BDNF: variants seen among roughly 807,000 people sequenced by gnomAD.
The protein encoded by BDNF is brain derived neurotrophic factor.
BDNF carries 1 observed loss-of-function variant against 19.5 expected under a neutral mutation model. The observed-to-expected ratio is 0.05, with a 90% CI of 0.02 to 0.24. The LOEUF (loss-of-function observed/expected upper bound fraction) is 0.24, where lower values mean the gene tolerates loss of function less well. Ranked by LOEUF, BDNF falls within the 10% of genes least tolerant of loss-of-function variation. The pLI is 1.00. For synonymous variants in BDNF, 100 were observed against 121.6 expected, an observed-to-expected ratio of 0.82 and a Z score of 1.17; for missense variants, 195 against 317.6, an observed-to-expected ratio of 0.61 and a Z score of 2.93.
chr11:27,714,236 T>C (rs1282162878), intron 1 of BDNF, among the ~76,000 whole-genome samples: 1 of 152,194 alleles, frequency 6.6e-6, no homozygotes, highest in African/African-American at 2.4e-5. Flanking sequence ...GACAGATCTA[T>C]AGCATTTCCT....
In BDNF at chr11:27,657,710, T is replaced by G; in HGVS notation, c.*111A>C. 1 of 1,524,548 alleles carries G rather than the reference T, an allele frequency of 6.6e-7. No individual in the cohort carries two copies. 94.4% of individuals were successfully genotyped at this position (1,524,548 alleles called of 1,614,324 possible). On this transcript the variant is annotated 3_prime_UTR_variant, in exon 2 of 2. Coordinates refer to ENST00000356660, the MANE Select transcript of BDNF (RefSeq NM_001709.5). The surrounding 1 kb of genome is among the most constrained non-coding windows in gnomAD (Gnocchi z 5.0). ...GTACTGTATAAACTTCATTTATACA[T>G]GCAGTTCATAAAATTATTTTTTTCT...
In BDNF at chr11:27,656,800, G is replaced by A. The variant is rs992177797; in HGVS notation, c.*1021C>T. On this transcript the variant is annotated 3_prime_UTR_variant, in exon 2 of 2. Transcript: ENST00000356660. ...CTTCATTTTGGGGTTATTTTTTGTT[G>A]TTTTCTGTTCTAAAAAAAAATCACT... The A allele has an allele frequency of 2.0e-6, 2 of 984,774 alleles. No homozygotes were observed. Among genetic ancestry groups the A allele is most frequent in the Admixed American group, 6.2e-5 (1 of 16,200 alleles). The allele number at this position is 984,774 out of a possible 1,614,324, so 61.0% of individuals were successfully genotyped here.
chr11:27,701,860 A>G (rs576560108), upstream of BDNF, among the ~76,000 whole-genome samples: 1 of 152,284 alleles, frequency 6.6e-6, no homozygotes, highest in South Asian at 2.1e-4. Flanking sequence ...CCCTTTTAAT[A>G]ACGAACCAGG....
At chr11:27,685,434 C>T (rs1412224004) in intron 1 of BDNF, among the ~76,000 whole-genome samples, 1 of 152,154 alleles carries the variant, frequency 6.6e-6, no homozygotes, top group Admixed American at 6.5e-5. Context: ...TTCTTGTCTT[C>T]TGCTAGCTTT....
chr11:27,670,967 T>C (rs954473553), intron 1 of BDNF, among the ~76,000 whole-genome samples: 3 of 152,226 alleles, frequency 2.0e-5, no homozygotes, highest in Non-Finnish European at 4.4e-5. Context: ...CGTATGTTTA[T>C]TGCGGCACTA....
Position 27,656,946 on chromosome 11 carries a change from A to G in BDNF, c.*875T>C, listed in dbSNP as rs1004326377. On this transcript the variant is annotated 3_prime_UTR_variant, in exon 2 of 2. Coordinates refer to ENST00000356660, the MANE Select transcript of BDNF (RefSeq NM_001709.5). ...TTCCTTAAAACAAAACAAAGAGGAG[A>G]CCAGAGGGGGAGGGGGGGAAAGAAT... The G allele has an allele frequency of 1.0e-6, 1 of 985,234 alleles. No individual in the cohort carries two copies. The highest frequency in any genetic ancestry group is 1.2e-6 in the Non-Finnish European group (1 of 829,916). The allele number at this position is 985,234 out of a possible 1,614,324, so 61.0% of individuals were successfully genotyped here.
intron 1 of BDNF, among the ~76,000 whole-genome samples, chr11:27,661,910 C>A (rs1178335908): frequency 6.6e-6 from 1 of 152,172 alleles, no homozygotes; most frequent in Admixed American, 6.5e-5. Context: ...ATCATGCATG[C>A]CCCTTTCTCT....
chr11:27,711,677 TA>T (rs1007855049), intron 1 of BDNF, among the ~76,000 whole-genome samples: 4 of 152,364 alleles, frequency 2.6e-5, no homozygotes, highest in Admixed American at 2.6e-4. Context: ...GCAAGTTACT[TA>T]AATTCTCTGA....
chr11:27,710,657 A>G (rs931997073), intron 1 of BDNF, among the ~76,000 whole-genome samples: 1 of 152,162 alleles, frequency 6.6e-6, no homozygotes, highest in Non-Finnish European at 1.5e-5. Context: ...CCATATCTGT[A>G]AACAACATGT....
intron 1 of BDNF, among the ~76,000 whole-genome samples, chr11:27,716,446 C>CACACACTCAG (rs1564997898): frequency 2.6e-5 from 3 of 115,538 alleles, no homozygotes; most frequent in Non-Finnish European, 3.6e-5. Context: ...CCCATACACA[C>CACACACTCAG]ACACACACAG....
intron 1 of BDNF, chr11:27,720,443 G>C: frequency 1.0e-6 from 1 of 985,862 alleles, no homozygotes; most frequent in Non-Finnish European, 1.2e-6. Flanking sequence ...AGCTTGCCAA[G>C]AGTCTATTCC....
chr11:27,659,375 AT>A lies in BDNF; in HGVS notation c.-21-791del, dbSNP rs1156913417. On this transcript the variant is annotated intron_variant, in intron 1 of 1. Transcript: ENST00000356660. ...TTTTGCTTATTTCTAAACAGAAATC[AT>A]TTTTTGACATGTTCATTTTAATGAT... The A allele has an allele frequency of 3.0e-6, 3 of 1,000,268 alleles. No homozygotes were observed. The African/African-American group carries it at 5.2e-5, about 17-fold the overall frequency. The allele number at this position is 1,000,268 out of a possible 1,614,324, so 62.0% of individuals were successfully genotyped here.
At chr11:27,694,141 G>A (rs1858672440) in intron 1 of BDNF, among the ~76,000 whole-genome samples, 1 of 152,044 alleles carries the variant, frequency 6.6e-6, no homozygotes, top group South Asian at 2.1e-4. Context: ...CACAGTCGCT[G>A]GCATCTCCAC....
intron 1 of BDNF, among the ~76,000 whole-genome samples, chr11:27,717,044 G>A (rs1408937059): frequency 6.6e-5 from 10 of 152,194 alleles, no homozygotes; most frequent in Admixed American, 2.0e-4. Flanking sequence ...TCTTACTAAA[G>A]CTTCCCCTAG....
chr11:27,685,526 G>A (rs943587139), intron 1 of BDNF, among the ~76,000 whole-genome samples: 1 of 152,130 alleles, frequency 6.6e-6, no homozygotes, highest in African/African-American at 2.4e-5. Context: ...GCTTTCTCCT[G>A]TGGGCATTTA....
At chr11:27,660,061 C>T (rs1853212427) in intron 1 of BDNF, 1 of 431,984 alleles carries the variant, frequency 2.3e-6, no homozygotes, top group African/African-American at 2.2e-5. Flanking sequence ...TACAAAAAGA[C>T]ACATACATGC....
intron 1 of BDNF, among the ~76,000 whole-genome samples, chr11:27,711,309 T>TATGA: frequency 6.6e-6 from 1 of 152,352 alleles, no homozygotes; most frequent in South Asian, 2.1e-4. Context: ...TATTAATGTA[T>TATGA]ATGATCCTAA....
At position 27,674,610 on chromosome 11, in the gene BDNF, G is replaced by A. The variant is rs377313604; in HGVS notation, c.-21-16025C>T. The A allele has an allele frequency of 3.3e-4, 325 of 985,052 alleles. 2 individuals carry two copies. The South Asian group carries it at 0.014, about 42-fold the overall frequency. 61.0% of individuals were successfully genotyped at this position (985,052 alleles called of 1,614,324 possible). ...AGATGACAAAAGATCCATATGGCTGGCCAGAAAATATCTGCATCATTTAAG... is the reference window on the plus strand; with the variant it reads ...AGATGACAAAAGATCCATATGGCTGACCAGAAAATATCTGCATCATTTAAG... On this transcript the variant is annotated intron_variant, in intron 1 of 1. Transcript: ENST00000356660.
chr11:27,708,225 C>G (rs1467967522), intron 1 of BDNF, among the ~76,000 whole-genome samples: 1 of 152,160 alleles, frequency 6.6e-6, no homozygotes, highest in African/African-American at 2.4e-5. Flanking sequence ...TATGTTCATA[C>G]TAAATACTGA....
Sources: allele counts gnomAD v4.1 joint callset (sites outside exome capture counted in the v4.1 genomes callset), GRCh38; gene constraint gnomAD v4.1.1; non-coding constraint Gnocchi (gnomAD v3.1); transcripts MANE v1.5; gene names NCBI Gene and HGNC (gene_info 2026-07-23, HGNC 2026-07-21).